The following GRAMD2B variants were observed in gnomAD, a reference collection of about 807,000 sequenced individuals.
GRAMD2B encodes GRAM domain-containing protein 2B.
GRAMD2B carries 41 observed loss-of-function variants against 59.2 expected under a neutral mutation model. The observed-to-expected ratio is 0.69, with a 90% CI of 0.54 to 0.90. GRAMD2B has a LOEUF of 0.90. GRAMD2B is among the 40% of genes least tolerant of loss of function. GRAMD2B has a pLI of 0.00. For synonymous variants in GRAMD2B, 161 were observed against 182.7 expected (o/e 0.88, Z 0.96); for missense variants, 424 against 500.5 (o/e 0.85, Z 1.46).
At chr5:126,398,345 T>A (rs1757548286) in intron 1 of GRAMD2B, among the ~76,000 whole-genome samples, 1 of 152,128 alleles carries the variant, frequency 6.6e-6, no homozygotes, top group South Asian at 2.1e-4. Context: ...TGTATCTTCA[T>A]GATTCAGTTT....
At chr5:126,393,957 A>G (rs1360031967) in intron 1 of GRAMD2B, among the ~76,000 whole-genome samples, 1 of 152,140 alleles carries the variant, frequency 6.6e-6, no homozygotes, top group African/African-American at 2.4e-5. Flanking sequence ...CAAGACACTC[A>G]TAACTATGTC....
At chr5:126,413,482 C>A (rs1024262308) in intron 1 of GRAMD2B, among the ~76,000 whole-genome samples, 1 of 151,784 alleles carries the variant, frequency 6.6e-6, no homozygotes, top group Non-Finnish European at 1.5e-5. Context: ...GGTATGATTT[C>A]AATTTTTTTT....
At chr5:126,369,478 CAG>C (rs979701962), upstream of GRAMD2B, among the ~76,000 whole-genome samples, 26 of 152,118 alleles carry the variant, frequency 1.7e-4, no homozygotes, top group Middle Eastern at 3.2e-3. Flanking sequence ...TTAGCTAGTA[CAG>C]AGAGTCAATA....
chr5:126,459,184 AC>A (rs1766895436), intron 1 of GRAMD2B: 1 of 152,204 alleles, frequency 6.6e-6, no homozygotes. Context: ...TATATTTTTG[AC>A]ACTCCTTTTA....
intron 1 of GRAMD2B, among the ~76,000 whole-genome samples, chr5:126,432,001 C>T (rs1322928592): frequency 2.6e-5 from 4 of 152,154 alleles, no homozygotes; most frequent in Non-Finnish European, 5.9e-5. Flanking sequence ...GATCACAGCT[C>T]ACTGCAGTCT....
chr5:126,419,948 G>A (rs1199438288), upstream of GRAMD2B, among the ~76,000 whole-genome samples: 4 of 151,180 alleles, frequency 2.6e-5, no homozygotes, highest in Non-Finnish European at 2.9e-5. Flanking sequence ...CCAGCTACTC[G>A]AGAGGCTGAG....
chr5:126,407,034 G>T (rs1017365837), intron 1 of GRAMD2B, among the ~76,000 whole-genome samples: 3 of 152,024 alleles, frequency 2.0e-5, no homozygotes, highest in African/African-American at 7.2e-5. Flanking sequence ...GCAGAAGCTT[G>T]AGTGTTTTTC....
At chr5:126,394,111 A>G (rs981038584) in intron 1 of GRAMD2B, among the ~76,000 whole-genome samples, 1 of 144,814 alleles carries the variant, frequency 6.9e-6, no homozygotes, top group South Asian at 2.3e-4. Context: ...TGTCTCTACT[A>G]AAAATACAAA....
rs554783397 is a variant in GRAMD2B at position 126,440,494 on chromosome 5, A to AT, written c.83+16809dup. Among the ~76,000 whole-genome samples, 327 of 152,320 alleles carry AT rather than the reference A, an allele frequency of 2.1e-3. 2 individuals carry two copies. The highest frequency in any genetic ancestry group is 7.5e-3 in the African/African-American group (311 of 41,580). On this transcript the variant is annotated intron_variant, in intron 1 of 13. Coordinates refer to ENST00000285689, the MANE Select transcript of GRAMD2B (RefSeq NM_023927.4). ...AGGAAATCCAAATATATCTGGAGGT[A>AT]TTTTCAAATCCATGGGGAAAAGATG...
chr5:126,412,809 G>A (rs750669403), intron 1 of GRAMD2B, among the ~76,000 whole-genome samples: 3 of 151,880 alleles, frequency 2.0e-5, no homozygotes, highest in Non-Finnish European at 2.9e-5. Flanking sequence ...GTCTATTCAG[G>A]GTTTCAATTT....
intron 1 of GRAMD2B, among the ~76,000 whole-genome samples, chr5:126,417,984 T>G (rs1159628722): frequency 1.3e-5 from 2 of 152,230 alleles, no homozygotes; most frequent in Non-Finnish European, 2.9e-5. Flanking sequence ...ATTTTTAAAT[T>G]GTGTTCAGTG....
At position 126,423,554 on chromosome 5, in the gene GRAMD2B, G is replaced by C. The variant is rs538765118; in HGVS notation, c.-53G>C. 13 of 1,585,772 alleles carry C rather than the reference G, an allele frequency of 8.2e-6. No individual in the cohort carries two copies. The highest frequency in any genetic ancestry group is 1.0e-5 in the Non-Finnish European group (12 of 1,167,506). ...CCGGACCTAGAAGCCGGGACGAGCC[G>C]GGGCAGAGCCAGGCGCGCGGAAGTC... is the stretch of plus-strand genomic sequence containing the variant. On this transcript the variant is annotated 5_prime_UTR_variant, in exon 1 of 14. Transcript: ENST00000285689.
rs891203542 is a variant in GRAMD2B, at chr5:126,457,622, C to T, written c.84-7804C>T. ...CTCCAGCCTGGGCAATACAGCAAGA[C>T]TCTGTCTCGGGGGGAAAAAAATTGT... On this transcript the variant is annotated intron_variant, in intron 1 of 13. Transcript: ENST00000285689. 5.3e-5 allele frequency among the ~76,000 whole-genome samples: 8 copies of T among 152,000 alleles called. No homozygotes were observed. In the East Asian group the frequency reaches 1.5e-3, roughly 29 times the overall value.
At chr5:126,390,316 G>T (rs1347844568) in intron 1 of GRAMD2B, among the ~76,000 whole-genome samples, 2 of 152,236 alleles carry the variant, frequency 1.3e-5, no homozygotes, top group African/African-American at 4.8e-5. Flanking sequence ...AAGTCATGCT[G>T]TAAAGCATGG....
rs771584987 is a variant in GRAMD2B at position 126,484,517 on chromosome 5, T to C, written c.963T>C (p.Pro321=). The C allele has an allele frequency of 6.2e-7, 1 of 1,613,014 alleles. No homozygotes were observed. Among genetic ancestry groups the C allele is most frequent in the Non-Finnish European group, 8.5e-7 (1 of 1,179,786 alleles). The change falls in exon 10 of 14, where the codon CCT becomes CCC. Residue 321 remains proline, a synonymous_variant. Transcript: ENST00000285689. ...CTGAAGGAAAAGCCAAGAGTCTCCC[T>C]GTACAGGGTAAGGAATGGATGTCTC... ...RVPEGKAKSL[P]VQGLSETVGI...
chr5:126,403,484 A>T (rs905991873), intron 1 of GRAMD2B, among the ~76,000 whole-genome samples: 2 of 152,002 alleles, frequency 1.3e-5, no homozygotes, highest in Non-Finnish European at 1.5e-5. Context: ...TTAAGTCATC[A>T]CTTATTGCTC....
upstream of GRAMD2B, among the ~76,000 whole-genome samples, chr5:126,418,434 C>T (rs1233336953): frequency 6.6e-6 from 1 of 152,182 alleles, no homozygotes; most frequent in Non-Finnish European, 1.5e-5. Flanking sequence ...TATCCTCTGG[C>T]CCCTGGACCA....
chr5:126,389,039 C>G (rs1041730449), intron 1 of GRAMD2B, among the ~76,000 whole-genome samples: 3 of 152,162 alleles, frequency 2.0e-5, no homozygotes, highest in Admixed American at 6.5e-5. Context: ...CACAAAGTGA[C>G]TTTACTAACA....
upstream of GRAMD2B, among the ~76,000 whole-genome samples, chr5:126,367,609 A>G (rs1455575304): frequency 6.6e-6 from 1 of 152,214 alleles, no homozygotes; most frequent in Non-Finnish European, 1.5e-5. Context: ...TATAATAACC[A>G]AAGATTATTA....
Sources: allele counts gnomAD v4.1 joint callset (sites outside exome capture counted in the v4.1 genomes callset), GRCh38; gene constraint gnomAD v4.1.1; transcripts MANE v1.5; gene names NCBI Gene and HGNC (gene_info 2026-07-23, HGNC 2026-07-21).